The following PRKN variants were observed in gnomAD, a reference collection of about 807,000 sequenced individuals.
PRKN encodes parkin RBR E3 ubiquitin protein ligase, also known as E3 ubiquitin-protein ligase parkin.
A neutral mutation model predicts 59.5 loss-of-function variants in PRKN; 56 were observed. That is an observed-to-expected ratio of 0.94 (90% CI 0.76 to 1.18). The LOEUF is 1.18. Ranked by LOEUF, PRKN falls within the 50% of genes most tolerant of loss-of-function variation. PRKN has a pLI of 0.00. For synonymous variants in PRKN, 250 were observed against 222.1 expected, an observed-to-expected ratio of 1.13 and a Z score of -1.12; for missense variants, 657 against 596.4, an observed-to-expected ratio of 1.10 and a Z score of -1.06.
Position 162,236,806 on chromosome 6 carries a change from GAA to G in PRKN, c.412+25717_412+25718del, listed in dbSNP as rs780918894. The stretch of plus-strand genomic sequence containing the variant: ...AGAAACTCCATTTCGAAAAAAGAAA[GAA>G]AGAGAGAGAGAGGGACAGAGAGAGA... On this transcript the variant is annotated intron_variant, in intron 3 of 11. Transcript: ENST00000366898. Among the ~76,000 whole-genome samples the G allele has an allele frequency of 8.1e-5, 12 of 148,898 alleles. No homozygotes were observed. The East Asian group carries it at 1.2e-3, about 15-fold the overall frequency.
intron 1 of PRKN, among the ~76,000 whole-genome samples, chr6:162,490,941 C>A (rs1239710494): frequency 6.6e-6 from 1 of 152,118 alleles, no homozygotes; most frequent in Non-Finnish European, 1.5e-5. Flanking sequence ...CGAGGCCACC[C>A]TGGCCAACAT....
chr6:162,284,082 A>G (rs1309243219), intron 2 of PRKN, among the ~76,000 whole-genome samples: 2 of 152,152 alleles, frequency 1.3e-5, no homozygotes. Flanking sequence ...ACCACAGCCT[A>G]AATGCAAAGA....
chr6:162,487,681 T>C (rs1792611294), intron 1 of PRKN, among the ~76,000 whole-genome samples: 1 of 152,212 alleles, frequency 6.6e-6, no homozygotes, highest in Admixed American at 6.5e-5. Context: ...CAGAATTTTT[T>C]TTTTAAGTGA....
chr6:162,702,863 A>T (rs890323909), intron 1 of PRKN, among the ~76,000 whole-genome samples: 1 of 152,352 alleles, frequency 6.6e-6, no homozygotes, highest in East Asian at 1.9e-4. Context: ...CTAATGAATC[A>T]GTGTCAGAGA....
rs1473340730 is a variant in PRKN, at chr6:161,376,106, A to T, written c.1167+10688T>A. ...TGAGATGCTGGGGCAAAATAGATCAAAAAAGATCTCAGCTCCCTGGAGCCA... is the reference window on the plus strand; with the variant it reads ...TGAGATGCTGGGGCAAAATAGATCATAAAAGATCTCAGCTCCCTGGAGCCA... On this transcript the variant is annotated intron_variant, in intron 10 of 11. Coordinates refer to ENST00000366898, the MANE Select transcript of PRKN (RefSeq NM_004562.3). This position sits in a 1 kb window ranked among gnomAD's most constrained non-coding sequence, Gnocchi z 7.3. 6.6e-6 allele frequency among the ~76,000 whole-genome samples: 1 copy of T among 152,204 alleles called. No homozygotes were observed. Among genetic ancestry groups the T allele is most frequent in the Admixed American group, 6.5e-5 (1 of 15,282 alleles).
intron 5 of PRKN, among the ~76,000 whole-genome samples, chr6:161,980,084 T>C (rs992339142): frequency 1.3e-5 from 2 of 152,212 alleles, no homozygotes; most frequent in Non-Finnish European, 2.9e-5. Flanking sequence ...GCCCTGCTTA[T>C]CACAGTCCTA....
At chr6:162,526,989 C>T (rs73591851) in intron 1 of PRKN, among the ~76,000 whole-genome samples, 3,242 of 151,936 alleles carry the variant, frequency 0.021, 118 homozygotes, top group African/African-American at 0.073. Flanking sequence ...CTGTGTGAGG[C>T]TTGAGCTTTT....
chr6:162,643,579 G>A (rs1454332081), intron 1 of PRKN, among the ~76,000 whole-genome samples: 1 of 151,974 alleles, frequency 6.6e-6, no homozygotes, highest in Admixed American at 6.6e-5. Flanking sequence ...CTCTTGCTGT[G>A]GGAAAGGGTG....
intron 4 of PRKN, among the ~76,000 whole-genome samples, chr6:162,139,323 A>G (rs1781681624): frequency 6.6e-6 from 1 of 152,222 alleles, no homozygotes; most frequent in Non-Finnish European, 1.5e-5. Flanking sequence ...AATTGGGTGA[A>G]AATTTTTAGA....
At chr6:162,162,042 CAAGTTG>C (rs1376416465) in intron 4 of PRKN, among the ~76,000 whole-genome samples, 9 of 152,220 alleles carry the variant, frequency 5.9e-5, no homozygotes, top group African/African-American at 2.2e-4. Context: ...TTGAAAACTA[CAAGTTG>C]AAGAACCAAC....
chr6:162,266,240 T>C lies in PRKN; in HGVS notation c.172-3475A>G, dbSNP rs114045243. Among the ~76,000 whole-genome samples, 682 of 152,236 alleles carry C rather than the reference T, an allele frequency of 4.5e-3. 6 individuals are homozygous for C. The highest frequency in any genetic ancestry group is 0.016 in the African/African-American group (660 of 41,548). On this transcript the variant is annotated intron_variant, in intron 2 of 11. Coordinates refer to ENST00000366898, the MANE Select transcript of PRKN (RefSeq NM_004562.3). ...TCCCTCATCTGAATCTAAAAATCTT[T>C]GCTTACTGTGCTCTTCTTATTGCAG...
At chr6:161,790,077 C>A (rs1790579770) in intron 6 of PRKN, among the ~76,000 whole-genome samples, 1 of 152,114 alleles carries the variant, frequency 6.6e-6, no homozygotes, top group Admixed American at 6.5e-5. Flanking sequence ...ACAAGTATTA[C>A]AAGGAAGTAT....
intron 6 of PRKN, among the ~76,000 whole-genome samples, chr6:161,825,006 A>C (rs561360492): frequency 6.6e-6 from 1 of 152,332 alleles, no homozygotes; most frequent in South Asian, 2.1e-4. Context: ...CTCAAATTTG[A>C]AAACAAGCCT....
intron 2 of PRKN, among the ~76,000 whole-genome samples, chr6:162,329,232 G>A (rs1438322966): frequency 6.6e-6 from 1 of 152,134 alleles, no homozygotes; most frequent in Admixed American, 6.5e-5. Flanking sequence ...GAGTGAAAAT[G>A]AGGACGGAAG....
rs1355352670 is a variant in PRKN, at chr6:161,499,716, C to T, written c.1083+49138G>A. Among the ~76,000 whole-genome samples, 1 of 152,188 alleles carries T rather than the reference C, an allele frequency of 6.6e-6. No individual in the cohort carries two copies. Among genetic ancestry groups the T allele is most frequent in the African/African-American group, 2.4e-5 (1 of 41,438 alleles). Reference sequence around the variant, plus strand: ...ACCCTTTCCCTTGACAATTCTTAGGCACAATTAATCTTGAGAATTACTGCT... The same window carrying T: ...ACCCTTTCCCTTGACAATTCTTAGGTACAATTAATCTTGAGAATTACTGCT... On this transcript the variant is annotated intron_variant, in intron 9 of 11. Coordinates refer to ENST00000366898, the MANE Select transcript of PRKN (RefSeq NM_004562.3). This position sits in a 1 kb window ranked among gnomAD's most constrained non-coding sequence, Gnocchi z 4.2.
intron 9 of PRKN, among the ~76,000 whole-genome samples, chr6:161,437,442 A>G (rs1788975319): frequency 6.6e-6 from 1 of 152,170 alleles, no homozygotes; most frequent in Non-Finnish European, 1.5e-5. Flanking sequence ...TTTCCATTTA[A>G]TATCTTCGGG....
chr6:162,041,734 A>C (rs1412860767), intron 5 of PRKN, among the ~76,000 whole-genome samples: 1 of 152,236 alleles, frequency 6.6e-6, no homozygotes, highest in Non-Finnish European at 1.5e-5. Flanking sequence ...CAATTTAAAC[A>C]GTGCATGATA....
intron 6 of PRKN, among the ~76,000 whole-genome samples, chr6:161,968,194 T>A (rs1780656458): frequency 6.7e-6 from 1 of 148,336 alleles, no homozygotes; most frequent in Non-Finnish European, 1.5e-5. Context: ...CTAATTTTTT[T>A]TTTTTTTTTT....
chr6:161,871,695 G>A (rs1465069043), intron 6 of PRKN, among the ~76,000 whole-genome samples: 2 of 152,068 alleles, frequency 1.3e-5, no homozygotes, highest in Admixed American at 6.6e-5. Flanking sequence ...GAAGGTATTT[G>A]GTGGCTATCA....
Sources: gnomAD v4.1 joint callset for allele counts (sites outside exome capture counted in the v4.1 genomes callset) on GRCh38, gnomAD v4.1.1 for gene constraint, Gnocchi (gnomAD v3.1) non-coding constraint, MANE v1.5 for transcripts, NCBI Gene and HGNC (gene_info 2026-07-23, HGNC 2026-07-21) for gene names.